The following ANK3 variants were observed in gnomAD, a reference collection of about 807,000 sequenced individuals.
The protein encoded by ANK3 is ankyrin 3.
ANK3 carries 57 observed loss-of-function variants against 370.9 expected under a neutral mutation model. The observed-to-expected ratio is 0.15, with a 90% CI of 0.12 to 0.19. ANK3 has a LOEUF of 0.19. Ranked by LOEUF, ANK3 falls within the 10% of genes least tolerant of loss-of-function variation. The pLI, the probability that ANK3 is intolerant of heterozygous loss-of-function variation, is 1.00. For missense variants in ANK3, 4,439 were observed against 5,302.1 expected, an observed-to-expected ratio of 0.84 and a Z score of 5.06; for synonymous variants, 1,929 against 1,946.3, an observed-to-expected ratio of 0.99 and a Z score of 0.23.
chr10:60,368,230 T>TACACAC lies in ANK3; in HGVS notation c.114+21189_114+21194dup, dbSNP rs3045441. 3.2e-3 allele frequency among the ~76,000 whole-genome samples: 472 copies of TACACAC among 149,632 alleles called. 2 individuals are homozygous for TACACAC. Among genetic ancestry groups the TACACAC allele is most frequent in the African/African-American group, 0.01 (410 of 40,916 alleles). ...ACATGATGCTATACACTAGTGCATGTACACACACACACACACACACACTTT... is the reference window on the plus strand; with the variant it reads ...ACATGATGCTATACACTAGTGCATGTACACACACACACACACACACACACACACTTT... On this transcript the variant is annotated intron_variant, in intron 1 of 43. Coordinates refer to ENST00000280772, the MANE Select transcript of ANK3 (RefSeq NM_020987.5).
intron 2 of ANK3, among the ~76,000 whole-genome samples, chr10:60,456,623 T>C (rs955485169): frequency 1.1e-4 from 16 of 152,108 alleles, no homozygotes; most frequent in Non-Finnish European, 2.1e-4. Flanking sequence ...TTCCCTACAT[T>C]TGAGGCACTG....
At chr10:60,108,137 T>C (rs1417050025) in intron 27 of ANK3, 1 of 393,246 alleles carries the variant, frequency 2.5e-6, no homozygotes, top group Non-Finnish European at 5.0e-6. Context: ...AAATTGAAAA[T>C]GGAAAAAAAA....
chr10:60,027,201 C>CTGAG lies in ANK3; in HGVS notation c.*2641_*2644dup. The CTGAG allele has an allele frequency of 6.6e-6, 1 of 151,408 alleles. No homozygotes were observed. Among genetic ancestry groups the CTGAG allele is most frequent in the Non-Finnish European group, 1.5e-5 (1 of 67,918 alleles). 9.4% of individuals were successfully genotyped at this position (151,408 alleles called of 1,614,324 possible). A position where few individuals can be genotyped will look rare whatever the true frequency, so the allele number is the denominator to read the frequency against. On this transcript the variant is annotated 3_prime_UTR_variant, in exon 44 of 44. Transcript: ENST00000280772. ...CAGGATAAACACCTTCTCTCAAAGACTGAGTCAGAAATTCGTAACTCTTAG... is the reference window on the plus strand; with the variant it reads ...CAGGATAAACACCTTCTCTCAAAGACTGAGTGAGTCAGAAATTCGTAACTCTTAG...
At chr10:60,684,980 C>A in intron 1 of ANK3, 1 of 1,557,602 alleles carries the variant, frequency 6.4e-7, no homozygotes. Flanking sequence ...CTGAGCTCAT[C>A]AACTCCTTGG....
At chr10:60,293,280 T>C (rs2041846204) in intron 1 of ANK3, among the ~76,000 whole-genome samples, 1 of 152,176 alleles carries the variant, frequency 6.6e-6, no homozygotes, top group African/African-American at 2.4e-5. Flanking sequence ...ATAGCATTAG[T>C]CATTTACATA....
At position 60,062,755 on chromosome 10, in the gene ANK3, T is replaced by C. The variant is rs187836131; in HGVS notation, c.12595+356A>G. 214 of 162,490 alleles carry C rather than the reference T, an allele frequency of 1.3e-3. 1 individual carries two copies. The highest frequency in any genetic ancestry group is 3.6e-3 in the South Asian group (19 of 5,280). 10.1% of individuals were successfully genotyped at this position (162,490 alleles called of 1,614,324 possible). ...AATGGCTCATCGTTTGTTTTACCTA[T>C]ATACGAATAAAAGAGGTAACTAGTT... On this transcript the variant is annotated intron_variant, in intron 40 of 43. Transcript: ENST00000280772.
chr10:60,424,386 A>C (rs143227874), intron 2 of ANK3, among the ~76,000 whole-genome samples: 1 of 152,188 alleles, frequency 6.6e-6, no homozygotes, highest in African/African-American at 2.4e-5. Flanking sequence ...CATATTTGTC[A>C]GTTGAACAAT....
chr10:60,197,431 C>G (rs2096604400), intron 14 of ANK3, among the ~76,000 whole-genome samples: 1 of 152,114 alleles, frequency 6.6e-6, no homozygotes, highest in African/African-American at 2.4e-5. Flanking sequence ...CACATTTGAC[C>G]TCATGAGACT....
intron 1 of ANK3, among the ~76,000 whole-genome samples, chr10:60,288,104 A>G (rs2040453104): frequency 6.6e-6 from 1 of 152,052 alleles, no homozygotes; most frequent in African/African-American, 2.4e-5. Flanking sequence ...GCCCCCTATA[A>G]TTTCCTGGCA....
intron 21 of ANK3, among the ~76,000 whole-genome samples, chr10:60,171,522 A>C (rs540694290): frequency 6.6e-6 from 1 of 152,200 alleles, no homozygotes; most frequent in African/African-American, 2.4e-5. Flanking sequence ...CCAGAGTCCT[A>C]TATTTACTTT....
intron 1 of ANK3, among the ~76,000 whole-genome samples, chr10:60,716,029 G>C (rs867322697): frequency 6.6e-6 from 1 of 152,126 alleles, no homozygotes; most frequent in Admixed American, 6.5e-5. Context: ...CATCTGAAAG[G>C]TAATACACTA....
At chr10:60,397,276 T>A (rs1036082285) in intron 2 of ANK3, among the ~76,000 whole-genome samples, 8 of 151,666 alleles carry the variant, frequency 5.3e-5, no homozygotes, top group African/African-American at 1.7e-4. Context: ...AAAACTCAGA[T>A]AATAATTCTT....
At chr10:60,272,797 A>G (rs757801384) in intron 4 of ANK3, among the ~76,000 whole-genome samples, 6 of 152,018 alleles carry the variant, frequency 3.9e-5, no homozygotes, top group Non-Finnish European at 8.8e-5. Flanking sequence ...TAATTCCAAA[A>G]TAAGTGTTTT....
At chr10:60,489,684 A>G (rs889669330) in intron 2 of ANK3, among the ~76,000 whole-genome samples, 5 of 152,184 alleles carry the variant, frequency 3.3e-5, no homozygotes, top group African/African-American at 1.2e-4. Flanking sequence ...TTTAAATATT[A>G]ATATATATTT....
At chr10:60,682,404 T>TC (rs2079208065) in intron 1 of ANK3, among the ~76,000 whole-genome samples, 1 of 151,922 alleles carries the variant, frequency 6.6e-6, no homozygotes, top group Non-Finnish European at 1.5e-5. Context: ...CTCATTTTTT[T>TC]TTTTTTACAT....
At chr10:60,188,319 G>A (rs2096395836) in intron 16 of ANK3, among the ~76,000 whole-genome samples, 1 of 152,082 alleles carries the variant, frequency 6.6e-6, no homozygotes, top group African/African-American at 2.4e-5. Flanking sequence ...AGAGTTTTGG[G>A]GGATGTTGCC....
intron 2 of ANK3, among the ~76,000 whole-genome samples, chr10:60,543,866 C>T (rs991639618): frequency 2.6e-5 from 4 of 151,958 alleles, no homozygotes; most frequent in African/African-American, 9.7e-5. Flanking sequence ...TCAATCTGTC[C>T]AGACTCAATT....
chr10:60,505,428 T>C (rs1027225536), intron 2 of ANK3, among the ~76,000 whole-genome samples: 8 of 152,136 alleles, frequency 5.3e-5, no homozygotes, highest in African/African-American at 1.9e-4. Context: ...TTATTTCATC[T>C]ACCAAGATAT....
intron 8 of ANK3, among the ~76,000 whole-genome samples, chr10:60,231,165 C>T (rs149236070): frequency 6.6e-6 from 1 of 152,132 alleles, no homozygotes; most frequent in African/African-American, 2.4e-5. Context: ...ACAGATCAGG[C>T]ACTAGGGTGA....
Sources: gnomAD v4.1 joint callset for allele counts (sites outside exome capture counted in the v4.1 genomes callset) on GRCh38, gnomAD v4.1.1 for gene constraint, MANE v1.5 for transcripts, NCBI Gene and HGNC (gene_info 2026-07-23, HGNC 2026-07-21) for gene names.